Variants in USP37 observed in about 807,000 individuals in gnomAD.
USP37 encodes the protein ubiquitin carboxyl-terminal hydrolase 37.
In USP37, 27 loss-of-function variants were observed where a neutral mutation model predicts 124.0. That is an observed-to-expected ratio of 0.22 (90% confidence interval 0.16 to 0.30). The LOEUF (loss-of-function observed/expected upper bound fraction) is 0.30, where lower values mean the gene tolerates loss of function less well. USP37 is among the 10% of genes least tolerant of loss of function. The pLI is 1.00. For synonymous variants in USP37, 365 were observed against 388.0 expected (o/e 0.94, Z 0.70); for missense variants, 889 against 1,140.4 (o/e 0.78, Z 3.17).
At chr2:218,463,558 C>T (rs1172822002) in intron 21 of USP37, among the ~76,000 whole-genome samples, 192 bp from the exon 22 acceptor site, 1 of 113,700 alleles carries the variant, frequency 8.8e-6, no homozygotes. Context: ...TTTTTTGAGA[C>T]GGAGTCTCGC....
chr2:218,522,240 T>C (rs1021489408), intron 10 of USP37, among the ~76,000 whole-genome samples: 4 of 151,948 alleles, frequency 2.6e-5, no homozygotes, highest in Admixed American at 1.3e-4. Flanking sequence ...AAAATTATCT[T>C]GGCTATTCTT....
At chr2:218,493,869 A>C (rs1688928575) in intron 14 of USP37, among the ~76,000 whole-genome samples, 1 of 152,162 alleles carries the variant, frequency 6.6e-6, no homozygotes, top group South Asian at 2.1e-4. Flanking sequence ...GGTCATTTTC[A>C]ACTGAGGCAA....
intron 4 of USP37, among the ~76,000 whole-genome samples, chr2:218,554,581 T>C (rs1017130788): frequency 6.6e-6 from 1 of 151,950 alleles, no homozygotes; most frequent in African/African-American, 2.4e-5. Flanking sequence ...ATCCCATCTC[T>C]ACTAAAAAGA....
intron 9 of USP37, among the ~76,000 whole-genome samples, chr2:218,531,414 C>T (rs1691311808): frequency 6.6e-6 from 1 of 152,174 alleles, no homozygotes; most frequent in South Asian, 2.1e-4. Context: ...ACCCAATGCT[C>T]AGAAAAAAAG....
chr2:218,508,663 T>C (rs990098820), intron 11 of USP37, among the ~76,000 whole-genome samples: 8 of 152,012 alleles, frequency 5.3e-5, no homozygotes, highest in Non-Finnish European at 1.2e-4. Context: ...ATAACTGAGG[T>C]TGAACAATTA....
At chr2:218,519,280 T>C (rs1437014019) in intron 10 of USP37, among the ~76,000 whole-genome samples, 2 of 152,222 alleles carry the variant, frequency 1.3e-5, no homozygotes, top group Admixed American at 1.3e-4. Flanking sequence ...ATTTATTATG[T>C]CAATCATCTA....
intron 1 of USP37, among the ~76,000 whole-genome samples, chr2:218,564,242 TATTTATTATGCAACCCAAC>T (rs750707476): frequency 2.0e-5 from 3 of 152,238 alleles, no homozygotes; most frequent in Non-Finnish European, 4.4e-5. Context: ...TCCCACCTAG[TATTTATTATGCAACCCAAC>T]ATTTATTATG....
At chr2:218,546,407 C>T (rs1692325559) in intron 7 of USP37, 109 bp from the exon 8 acceptor site, 2 of 678,676 alleles carry the variant, frequency 2.9e-6, no homozygotes, top group South Asian at 3.7e-5. Context: ...TTATCTAATT[C>T]TCTACACCAT....
At position 218,497,876 on chromosome 2, in the gene USP37, C is replaced by T; in HGVS notation, c.1158-19G>A. On this transcript the variant is annotated intron_variant, in intron 12 of 25. Transcript: ENST00000258399. ...AAAGCGTCTAGTAAAACAAAAAACA[C>T]AAAGTTAGCACGTTTTACATGACAT... The T allele has an allele frequency of 6.2e-7, 1 of 1,609,788 alleles. No homozygotes were observed. The highest frequency in any genetic ancestry group is 8.5e-7 in the Non-Finnish European group (1 of 1,178,440).
At chr2:218,488,971 A>G (rs1230292071) in intron 14 of USP37, among the ~76,000 whole-genome samples, 1 of 152,138 alleles carries the variant, frequency 6.6e-6, no homozygotes, top group Non-Finnish European at 1.5e-5. Flanking sequence ...CCCAAACTTT[A>G]AAAAACTAAA....
intron 20 of USP37, among the ~76,000 whole-genome samples, chr2:218,471,349 G>A (rs1353423333): frequency 6.6e-6 from 1 of 152,174 alleles, no homozygotes; most frequent in Admixed American, 6.5e-5. Context: ...AACCAAAATA[G>A]GGTAGAAGAA....
At position 218,546,223 on chromosome 2, in the gene USP37, T is replaced by A; in HGVS notation, c.678A>T (p.Ser226=). ...TAAAGGCCCTTAAAGTAACTTACGATGATGAATCATTTTCCTTAGGGTAAT... is the reference window on the plus strand; with the variant it reads ...TAAAGGCCCTTAAAGTAACTTACGAAGATGAATCATTTTCCTTAGGGTAAT... The part of the protein sequence containing the change: ...NEDYPKENDS[S]SNNKAMTDPS... The change falls in exon 8 of 26, where the codon TCA becomes TCT. Residue 226 remains serine, a splice_region_variant and synonymous_variant. Coordinates refer to ENST00000258399, the MANE Select transcript of USP37 (RefSeq NM_020935.3). The A allele has an allele frequency of 6.2e-7, 1 of 1,611,496 alleles. No individual in the cohort carries two copies. Among genetic ancestry groups the A allele is most frequent in the African/African-American group, 1.3e-5 (1 of 74,970 alleles).
chr2:218,556,779 C>A (rs1284959576), intron 4 of USP37, among the ~76,000 whole-genome samples: 1 of 151,978 alleles, frequency 6.6e-6, no homozygotes, highest in Admixed American at 6.6e-5. Flanking sequence ...TCCCAAAGTG[C>A]TGGGATTACA....
In USP37 at chr2:218,510,133, C is replaced by T; in HGVS notation, c.871G>A (p.Val291Ile). 6.2e-7 allele frequency: 1 copy of T among 1,605,460 alleles called. No homozygotes were observed. The highest frequency in any genetic ancestry group is 8.5e-7 in the Non-Finnish European group (1 of 1,178,076). ...SGGTNLDRTN[V>I]SSQTPSAKRS... Reference sequence around the variant, plus strand: ...TTGGCAGAGGGAGTCTGGCTTGAAACATTAGTCCTACAAAAAAGCATAAAT... The same window carrying T: ...TTGGCAGAGGGAGTCTGGCTTGAAATATTAGTCCTACAAAAAAGCATAAAT... The change falls in exon 11 of 26, where the codon GTT becomes ATT. Residue 291 changes from valine to isoleucine, a missense_variant. Around this residue, in one of 3 missense-constraint regions of USP37, gnomAD observed 374 missense variants for 386.0 expected, o/e 0.97. Coordinates refer to ENST00000258399, the MANE Select transcript of USP37 (RefSeq NM_020935.3).
intron 20 of USP37, among the ~76,000 whole-genome samples, chr2:218,473,989 A>G (rs541482607): frequency 1.3e-5 from 2 of 152,318 alleles, no homozygotes; most frequent in African/African-American, 4.8e-5. Context: ...GGCAACTGTA[A>G]CACAATGGTA....
intron 22 of USP37, 131 bp downstream of exon 22, chr2:218,463,175 A>AACACACACAC (rs3835979): frequency 5.3e-5 from 28 of 529,508 alleles, no homozygotes; most frequent in African/African-American, 3.4e-4. Flanking sequence ...CCCCACAATA[A>AACACACACAC]ACACACACAC....
At chr2:218,525,228 C>G (rs867055089) in intron 10 of USP37, among the ~76,000 whole-genome samples, 1 of 152,208 alleles carries the variant, frequency 6.6e-6, no homozygotes, top group African/African-American at 2.4e-5. Flanking sequence ...TGCCTGTAAT[C>G]CCAGCACTTT....
chr2:218,528,136 AG>A (rs1691083278), intron 10 of USP37: 1 of 152,208 alleles, frequency 6.6e-6, no homozygotes, highest in Admixed American at 6.5e-5. Flanking sequence ...CAGAAGGCAG[AG>A]GTTGCAGTCA....
chr2:218,529,930 TCACAAGTAATATAAC>T lies in USP37; in HGVS notation c.863+11_863+25del. ...GAAAAAAAAAGAACTCCTAAGTTTT[TCACAAGTAATATAAC>T]CAATGCATACCTGTCTAAGTTAGTG... On this transcript the variant is annotated intron_variant, in intron 10 of 25. Transcript: ENST00000258399. 1 of 1,562,750 alleles carries T rather than the reference TCACAAGTAATATAAC, an allele frequency of 6.4e-7. No individual in the cohort carries two copies.
Sources: allele counts gnomAD v4.1 joint callset (sites outside exome capture counted in the v4.1 genomes callset), GRCh38; gene constraint gnomAD v4.1.1; regional missense constraint gnomAD v4.1.1; transcripts MANE v1.5; gene names NCBI Gene and HGNC (gene_info 2026-07-23, HGNC 2026-07-21).